Variants in HCN1 observed in about 807,000 individuals in gnomAD.
The protein encoded by HCN1 is potassium/sodium hyperpolarization-activated cyclic nucleotide-gated channel 1.
HCN1 carries 13 observed loss-of-function variants against 78.9 expected under a neutral mutation model. The ratio of observed to expected loss-of-function variants is 0.16; its 90% CI spans 0.11 to 0.26. The LOEUF is 0.26. Ranked by LOEUF, HCN1 falls within the 10% of genes least tolerant of loss-of-function variation. The pLI, the probability that HCN1 is intolerant of heterozygous loss-of-function variation, is 1.00. For missense variants in HCN1, 810 were observed against 1,154.3 expected, an observed-to-expected ratio of 0.70 and a Z score of 4.32; for synonymous variants, 552 against 455.5, an observed-to-expected ratio of 1.21 and a Z score of -2.70.
Position 45,258,071 on chromosome 5 carries a change from G to C in HCN1, c.*3850C>G, listed in dbSNP as rs1744656459. The stretch of plus-strand genomic sequence containing the variant: ...TCTAAAAAGATAAAGATATAATGGA[G>C]AGATATCTCATTCAAACAGGTTAAC... On this transcript the variant is annotated 3_prime_UTR_variant, in exon 8 of 8. Coordinates refer to ENST00000303230, the MANE Select transcript of HCN1 (RefSeq NM_021072.4). 2 of 152,242 alleles carry C rather than the reference G, an allele frequency of 1.3e-5. No individual in the cohort carries two copies. Among genetic ancestry groups the C allele is most frequent in the South Asian group, 4.1e-4 (2 of 4,830 alleles). The allele number at this position is 152,242 out of a possible 1,614,324, so 9.4% of individuals were successfully genotyped here. A position where few individuals can be genotyped will look rare whatever the true frequency, so the allele number is the denominator to read the frequency against.
chr5:45,303,375 A>G (rs1186746336), intron 6 of HCN1, among the ~76,000 whole-genome samples: 1 of 152,162 alleles, frequency 6.6e-6, no homozygotes, highest in East Asian at 1.9e-4. Context: ...TTGGTTCCAG[A>G]TAAAGAGGTT....
chr5:45,328,895 T>C (rs891274742), intron 5 of HCN1, among the ~76,000 whole-genome samples: 2 of 151,624 alleles, frequency 1.3e-5, no homozygotes, highest in Non-Finnish European at 3.0e-5. Context: ...GAACACAGTC[T>C]ACACACTTCA....
chr5:45,559,869 C>T (rs1298716664), intron 2 of HCN1: 1 of 152,118 alleles, frequency 6.6e-6, no homozygotes, highest in Admixed American at 6.6e-5. Context: ...TGGGAAACCT[C>T]ATTGTTGTCT....
At chr5:45,323,718 C>A (rs956803901) in intron 5 of HCN1, among the ~76,000 whole-genome samples, 8 of 151,910 alleles carry the variant, frequency 5.3e-5, no homozygotes, top group Non-Finnish European at 1.0e-4. Flanking sequence ...CTCCCCCATC[C>A]CCCAACCCCA....
chr5:45,616,598 T>G (rs1020017066), intron 2 of HCN1, among the ~76,000 whole-genome samples: 1 of 152,018 alleles, frequency 6.6e-6, no homozygotes, highest in Admixed American at 6.6e-5. Context: ...ATGTTGGAAG[T>G]TGGCCACAAA....
intron 2 of HCN1, among the ~76,000 whole-genome samples, chr5:45,490,427 C>T (rs994536055): frequency 6.6e-6 from 1 of 152,034 alleles, no homozygotes; most frequent in Non-Finnish European, 1.5e-5. Context: ...TATTTATTTT[C>T]TCCAGTTATT....
At chr5:45,612,580 T>C (rs1744859534) in intron 2 of HCN1, among the ~76,000 whole-genome samples, 1 of 152,194 alleles carries the variant, frequency 6.6e-6, no homozygotes, top group Non-Finnish European at 1.5e-5. Context: ...GTTCGTAATT[T>C]GGATTCCATT....
At chr5:45,583,094 G>T (rs1044628720) in intron 2 of HCN1, among the ~76,000 whole-genome samples, 6 of 152,126 alleles carry the variant, frequency 3.9e-5, no homozygotes, top group Admixed American at 1.3e-4. Flanking sequence ...AGTTTCAGAA[G>T]GAATGGTACC....
At chr5:45,539,960 A>ATATATATATATATATATAT (rs1743064622) in intron 2 of HCN1, among the ~76,000 whole-genome samples, 1 of 124,040 alleles carries the variant, frequency 8.1e-6, no homozygotes, top group African/African-American at 3.0e-5. Context: ...ATATATATAT[A>ATATATATATATATATATAT]AAATGTTTAT....
At chr5:45,688,593 A>T (rs1370397576) in intron 1 of HCN1, among the ~76,000 whole-genome samples, 1 of 152,138 alleles carries the variant, frequency 6.6e-6, no homozygotes, top group African/African-American at 2.4e-5. Flanking sequence ...CATTCAGTCA[A>T]TAAATATTTA....
chr5:45,461,540 G>A (rs1284410169), intron 3 of HCN1, among the ~76,000 whole-genome samples: 1 of 152,088 alleles, frequency 6.6e-6, no homozygotes, highest in East Asian at 1.9e-4. Flanking sequence ...ATTTTTGAAA[G>A]AATGCTGTAC....
chr5:45,414,254 G>A (rs972349128), intron 3 of HCN1, among the ~76,000 whole-genome samples: 1 of 151,928 alleles, frequency 6.6e-6, no homozygotes, highest in African/African-American at 2.4e-5. Flanking sequence ...TTAGTTATTT[G>A]TTAATCTTGT....
intron 5 of HCN1, among the ~76,000 whole-genome samples, chr5:45,305,311 T>G: frequency 6.6e-6 from 1 of 152,180 alleles, no homozygotes; most frequent in East Asian, 1.9e-4. Flanking sequence ...GGCACAACAT[T>G]TTGAATCTAT....
chr5:45,633,917 C>A (rs1036227325), intron 2 of HCN1, among the ~76,000 whole-genome samples: 1 of 151,900 alleles, frequency 6.6e-6, no homozygotes, highest in Non-Finnish European at 1.5e-5. Context: ...AGCTTACCTA[C>A]TTTCAAGCCA....
intron 5 of HCN1, among the ~76,000 whole-genome samples, chr5:45,326,272 GTCA>G (rs1222238631): frequency 2.0e-5 from 3 of 151,388 alleles, no homozygotes; most frequent in Non-Finnish European, 3.0e-5. Context: ...TATCTTTATT[GTCA>G]TCATCTTCAT....
At chr5:45,614,930 T>A (rs1744912662) in intron 2 of HCN1, among the ~76,000 whole-genome samples, 2 of 150,928 alleles carry the variant, frequency 1.3e-5, no homozygotes, top group Non-Finnish European at 3.0e-5. Context: ...GGAAACTGCA[T>A]ATTCACAGGT....
intron 4 of HCN1, among the ~76,000 whole-genome samples, chr5:45,389,364 C>G (rs1747993512): frequency 6.6e-6 from 1 of 152,068 alleles, no homozygotes; most frequent in South Asian, 2.1e-4. Flanking sequence ...CCATATGAAT[C>G]AAGTAAAAAA....
chr5:45,316,004 C>T (rs1335663745), intron 5 of HCN1, among the ~76,000 whole-genome samples: 1 of 152,164 alleles, frequency 6.6e-6, no homozygotes, highest in Non-Finnish European at 1.5e-5. Flanking sequence ...GAGCTGGTAC[C>T]ATTCCTTCTG....
chr5:45,572,563 T>C (rs1323829971), intron 2 of HCN1, among the ~76,000 whole-genome samples: 1 of 152,218 alleles, frequency 6.6e-6, no homozygotes, highest in African/African-American at 2.4e-5. Context: ...TGTTGCATTT[T>C]AGCCTGGTCT....
Sources: allele counts gnomAD v4.1 joint callset (sites outside exome capture counted in the v4.1 genomes callset), GRCh38; gene constraint gnomAD v4.1.1; transcripts MANE v1.5; gene names NCBI Gene and HGNC (gene_info 2026-07-23, HGNC 2026-07-21).